Variants in KLHL32 observed in about 807,000 individuals in gnomAD.
KLHL32 encodes kelch like family member 32.
KLHL32 carries 35 observed loss-of-function variants against 64.8 expected under a neutral mutation model. The ratio of observed to expected loss-of-function variants is 0.54; its 90% CI spans 0.41 to 0.72. The LOEUF (loss-of-function observed/expected upper bound fraction) is 0.72. Among genes scored for constraint, KLHL32 ranks in the 30% least tolerant of loss-of-function variants. The pLI is 0.00. For missense variants in KLHL32, 589 were observed against 768.5 expected (o/e 0.77, Z 2.76); for synonymous variants, 259 against 281.0 (o/e 0.92, Z 0.78).
chr6:97,004,289 T>C (rs1408153747), intron 3 of KLHL32, among the ~76,000 whole-genome samples: 1 of 152,188 alleles, frequency 6.6e-6, no homozygotes, highest in East Asian at 1.9e-4. Flanking sequence ...ACGTTGTTGG[T>C]GTATAGAAAT....
chr6:96,989,233 T>C (rs973157178), intron 3 of KLHL32, among the ~76,000 whole-genome samples: 1 of 152,262 alleles, frequency 6.6e-6, no homozygotes, highest in African/African-American at 2.4e-5. Flanking sequence ...TGGTAGCTGG[T>C]AATGATGTTT....
intron 5 of KLHL32, among the ~76,000 whole-genome samples, chr6:97,069,094 T>C (rs1790285253): frequency 1.3e-5 from 2 of 152,206 alleles, no homozygotes; most frequent in African/African-American, 2.4e-5. Context: ...TTCCTCAGAT[T>C]GAAGGCATTG....
At chr6:97,084,868 C>T (rs1015881086) in intron 5 of KLHL32, among the ~76,000 whole-genome samples, 2 of 152,072 alleles carry the variant, frequency 1.3e-5, no homozygotes, top group Non-Finnish European at 2.9e-5. Context: ...CCAGAGACCC[C>T]TTTCACTCCT....
chr6:96,951,389 G>A (rs1478083316), intron 1 of KLHL32, among the ~76,000 whole-genome samples: 1 of 152,172 alleles, frequency 6.6e-6, no homozygotes, highest in Admixed American at 6.5e-5. Flanking sequence ...CAGGAGGAAA[G>A]TTTGCGACTA....
At chr6:97,004,346 GGTT>G (rs1299156405) in intron 3 of KLHL32, among the ~76,000 whole-genome samples, 7 of 152,136 alleles carry the variant, frequency 4.6e-5, no homozygotes, top group Non-Finnish European at 8.8e-5. Context: ...GCTTTGCTGA[GGTT>G]GTTTATCAGA....
chr6:96,999,764 G>A (rs1778813870), intron 3 of KLHL32, among the ~76,000 whole-genome samples: 1 of 152,020 alleles, frequency 6.6e-6, no homozygotes, highest in South Asian at 2.1e-4. Context: ...CTGAATAAAT[G>A]TGCTTCTTTA....
intron 6 of KLHL32, among the ~76,000 whole-genome samples, chr6:97,087,798 A>C (rs1793652345): frequency 6.6e-6 from 1 of 152,188 alleles, no homozygotes; most frequent in Admixed American, 6.5e-5. Context: ...ACCAGATTTC[A>C]TGCAGTCTGG....
chr6:97,121,369 C>T (rs966096015), intron 7 of KLHL32, among the ~76,000 whole-genome samples: 1 of 152,170 alleles, frequency 6.6e-6, no homozygotes, highest in Non-Finnish European at 1.5e-5. Flanking sequence ...TACACAGAAG[C>T]AGAGTGCTAT....
rs539866439 is a variant in KLHL32, at chr6:97,056,266, C to T, written c.313-8362C>T. Among the ~76,000 whole-genome samples the T allele has an allele frequency of 1.0e-3, 158 of 151,952 alleles. 3 individuals carry two copies. The highest frequency in any genetic ancestry group is 3.5e-3 in the African/African-American group (147 of 41,440). On this transcript the variant is annotated intron_variant, in intron 4 of 10. Coordinates refer to ENST00000369261, the MANE Select transcript of KLHL32 (RefSeq NM_052904.4). ...GACTACAGGCGCCCGCCACCACGCC[C>T]GGCTAATTTTTTGTATTTTTAGTAG...
At chr6:97,112,900 T>C (rs1198141943) in intron 6 of KLHL32, among the ~76,000 whole-genome samples, 1 of 150,432 alleles carries the variant, frequency 6.6e-6, no homozygotes, top group Non-Finnish European at 1.5e-5. Context: ...AATTAAACAA[T>C]AATTTTTATT....
intron 6 of KLHL32, among the ~76,000 whole-genome samples, chr6:97,091,587 C>G (rs945241629): frequency 2.0e-5 from 3 of 152,196 alleles, no homozygotes; most frequent in African/African-American, 7.2e-5. Flanking sequence ...GGGGACTGAC[C>G]TGTGCCAAAT....
At chr6:96,901,468 C>G in the KLHL32 span, among the ~76,000 whole-genome samples, 3,831 of 152,158 alleles carry the variant, frequency 0.025, 73 homozygotes, top group Non-Finnish European at 0.034. Flanking sequence ...ATCGTAACAC[C>G]CTTATGATTA....
At chr6:97,042,124 T>C (rs1393610207) in intron 4 of KLHL32, among the ~76,000 whole-genome samples, 1 of 152,254 alleles carries the variant, frequency 6.6e-6, no homozygotes, top group Non-Finnish European at 1.5e-5. Context: ...CATCAGAGGA[T>C]ATCCATTTAC....
intron 3 of KLHL32, among the ~76,000 whole-genome samples, chr6:97,019,714 C>T (rs1781723309): frequency 2.0e-5 from 3 of 152,252 alleles, no homozygotes; most frequent in South Asian, 2.1e-4. Flanking sequence ...TGCTTTCAAC[C>T]GTAATAAAAT....
intron 6 of KLHL32, among the ~76,000 whole-genome samples, chr6:97,096,638 A>G (rs183383198): frequency 3.3e-5 from 5 of 152,300 alleles, no homozygotes; most frequent in Non-Finnish European, 7.3e-5. Context: ...TGATATCCAC[A>G]TTGGATTGGT....
Position 97,138,901 on chromosome 6 carries a change from T to C in KLHL32, c.1702-220T>C, listed in dbSNP as rs144042130. 2.7e-3 allele frequency among the ~76,000 whole-genome samples: 410 copies of C among 152,334 alleles called. 2 individuals carry two copies. The highest frequency in any genetic ancestry group is 4.7e-3 in the Non-Finnish European group (320 of 68,034). ...AAGATTAAATGCTTATAAATATACA[T>C]GTATGTATATATGTACATCCAAAAA... is the stretch of plus-strand genomic sequence containing the variant. On this transcript the variant is annotated intron_variant, in intron 10 of 10. Transcript: ENST00000369261.
At chr6:96,993,156 CT>C (rs1462684419) in intron 3 of KLHL32, among the ~76,000 whole-genome samples, 1 of 152,150 alleles carries the variant, frequency 6.6e-6, no homozygotes, top group Non-Finnish European at 1.5e-5. Context: ...TAATTTTTTC[CT>C]TATACTCAGT....
chr6:97,092,360 A>G lies in KLHL32; in HGVS notation c.627+7019A>G, dbSNP rs185987361. Among the ~76,000 whole-genome samples the G allele has an allele frequency of 5.0e-3, 761 of 152,272 alleles. 3 individuals carry two copies. The highest frequency in any genetic ancestry group is 9.0e-3 in the Non-Finnish European group (614 of 68,026). ...TAGCTACTTTCTGGGTATCTTCATA[A>G]TATCTCCTATTTTTTAAAGTTACCA... On this transcript the variant is annotated intron_variant, in intron 6 of 10. Coordinates refer to ENST00000369261, the MANE Select transcript of KLHL32 (RefSeq NM_052904.4).
chr6:97,128,071 C>T (rs1799060244), intron 8 of KLHL32, among the ~76,000 whole-genome samples: 1 of 152,138 alleles, frequency 6.6e-6, no homozygotes, highest in African/African-American at 2.4e-5. Context: ...CTGAATTTTG[C>T]CATTTCTATG....
Sources: allele counts gnomAD v4.1 joint callset (sites outside exome capture counted in the v4.1 genomes callset), GRCh38; gene constraint gnomAD v4.1.1; transcripts MANE v1.5; gene names NCBI Gene and HGNC (gene_info 2026-07-23, HGNC 2026-07-21).